Variants in PXMP2 observed in about 807,000 individuals in gnomAD.
PXMP2 encodes 22 kDa peroxisomal membrane protein.
PXMP2 carries 13 observed loss-of-function variants against 20.2 expected under a neutral mutation model. That is an observed-to-expected ratio of 0.64 (90% CI 0.42 to 1.02). The LOEUF (loss-of-function observed/expected upper bound fraction) is 1.02. Ranked by LOEUF, PXMP2 falls within the 50% of genes least tolerant of loss-of-function variation. The pLI, the probability that PXMP2 is intolerant of heterozygous loss-of-function variation, is 0.00. For missense variants in PXMP2, 284 were observed against 251.8 expected (o/e 1.13, Z -0.87); for synonymous variants, 113 against 111.2 (o/e 1.02, Z -0.10).
At chr12:132,689,282 G>C (rs2043350226) in intron 1 of PXMP2, among the ~76,000 whole-genome samples, 1 of 152,006 alleles carries the variant, frequency 6.6e-6, no homozygotes, top group African/African-American at 2.4e-5. Flanking sequence ...AAGGGAGCGA[G>C]TCTGCGGGGC....
intron 2 of PXMP2, 63 bp from the exon 3 acceptor site, chr12:132,695,821 C>A: frequency 6.6e-7 from 1 of 1,515,562 alleles, no homozygotes; most frequent in South Asian, 1.3e-5. Flanking sequence ...GGGGGTGAAG[C>A]TAGACCAGAG....
rs767670896 is a variant in PXMP2 at position 132,704,590 on chromosome 12, G to A, written c.520-29G>A. ...AACTGGCCACGGCCTCCCGCTGACC[G>A]TGGCCTGTTGGACTGTTCTTTTCGG... On this transcript the variant is annotated intron_variant, in intron 4 of 4. Transcript: ENST00000317479. The A allele has an allele frequency of 1.7e-5, 24 of 1,404,016 alleles. No homozygotes were observed. The Middle Eastern group carries it at 5.8e-4, about 34-fold the overall frequency. 87.0% of individuals were successfully genotyped at this position (1,404,016 alleles called of 1,614,324 possible).
chr12:132,687,891 G>A (rs1428544014), intron 1 of PXMP2, 99 bp downstream of exon 1: 12 of 1,047,720 alleles, frequency 1.1e-5, no homozygotes, highest in Non-Finnish European at 1.4e-5. Flanking sequence ...CAGGCTGGGG[G>A]CGCGCCCGGG....
At chr12:132,703,016 A>T (rs564793753) in intron 4 of PXMP2, among the ~76,000 whole-genome samples, 1 of 152,352 alleles carries the variant, frequency 6.6e-6, no homozygotes, top group East Asian at 1.9e-4. Flanking sequence ...AAATAAAAAA[A>T]TTTCCTTTGG....
rs2043358292 is a variant in PXMP2, at chr12:132,690,268, T to C, written c.128T>C (p.Ile43Thr). 1 of 1,613,652 alleles carries C rather than the reference T, an allele frequency of 6.2e-7. No homozygotes were observed. Among genetic ancestry groups the C allele is most frequent in the African/African-American group, 1.3e-5 (1 of 75,002 alleles). ...GATGACCTCCCTCTCCACAGTGGCATTTTGTCAGCACTTGGGAACTTCCTG... is the reference window on the plus strand; with the variant it reads ...GATGACCTCCCTCTCCACAGTGGCACTTTGTCAGCACTTGGGAACTTCCTG... The part of the protein sequence containing the change: ...PVLTKAATSG[I>T]LSALGNFLAQ... The change falls in exon 2 of 5, where the codon ATT (isoleucine) becomes ACT (threonine). Residue 43 changes from isoleucine to threonine, a missense_variant. Ile to Thr is a moderately conservative substitution (Grantham distance 89). Transcript: ENST00000317479.
At chr12:132,692,770 T>C (rs1468764295) in intron 2 of PXMP2, among the ~76,000 whole-genome samples, 1 of 109,414 alleles carries the variant, frequency 9.1e-6, no homozygotes, top group Non-Finnish European at 2.0e-5. Flanking sequence ...CTTAGCTAGT[T>C]AGAGAGCTCC....
chr12:132,692,613 G>A (rs75929595), intron 2 of PXMP2, among the ~76,000 whole-genome samples: 12 of 116,952 alleles, frequency 1.0e-4, no homozygotes, highest in Non-Finnish European at 2.1e-4. Flanking sequence ...TTAAGTGAGC[G>A]CCCTTAGCCA....
In PXMP2 at chr12:132,699,179, G is replaced by A. The variant is rs138928934; in HGVS notation, c.400-2071G>A. On this transcript the variant is annotated intron_variant, in intron 3 of 4. Transcript: ENST00000317479. ...GCCACCACTTATGAGTGAGAACATC[G>A]GCTGAGGCAGGAAGGTCACTTGAAC... Among the ~76,000 whole-genome samples the A allele has an allele frequency of 1.8e-3, 276 of 152,158 alleles. 2 individuals are homozygous for A. Among genetic ancestry groups the A allele is most frequent in the African/African-American group, 6.4e-3 (266 of 41,504 alleles).
chr12:132,694,708 C>T (rs112081229), intron 2 of PXMP2, among the ~76,000 whole-genome samples: 27,707 of 115,056 alleles, frequency 0.24, 3,981 homozygotes, highest in Non-Finnish European at 0.34. Context: ...AGTGAGCTCC[C>T]TTGCCAGTTA....
chr12:132,704,973 G>T lies in PXMP2; in HGVS notation c.*286G>T. The T allele has an allele frequency of 1.9e-6, 1 of 516,198 alleles. No homozygotes were observed. Among genetic ancestry groups the T allele is most frequent in the Non-Finnish European group, 3.4e-6 (1 of 291,462 alleles). The allele number at this position is 516,198 out of a possible 1,614,324, so 32.0% of individuals were successfully genotyped here. A position where few individuals can be genotyped will look rare whatever the true frequency, so the allele number is the denominator to read the frequency against. On this transcript the variant is annotated 3_prime_UTR_variant, in exon 5 of 5. Transcript: ENST00000317479. ...AATTAGGATCACAATAAACGATAAT[G>T]CAGGTTCTTCAATGGTGACTTTAAT...
At chr12:132,692,219 G>A (rs968329888) in intron 2 of PXMP2, among the ~76,000 whole-genome samples, 20 of 134,910 alleles carry the variant, frequency 1.5e-4, no homozygotes, top group African/African-American at 3.8e-4. Context: ...GTTAGTGAGC[G>A]CCCTTAGCCA....
At chr12:132,692,137 T>TAGTGAGCTCCCTTGCC (rs2043371955) in intron 2 of PXMP2, among the ~76,000 whole-genome samples, 2 of 66,886 alleles carry the variant, frequency 3.0e-5, no homozygotes, top group Non-Finnish European at 8.6e-5. Flanking sequence ...CTTAGCCAGT[T>TAGTGAGCTCCCTTGCC]AGTTAGTGAG....
At chr12:132,695,065 C>T (rs999791847) in intron 2 of PXMP2, among the ~76,000 whole-genome samples, 5 of 150,640 alleles carry the variant, frequency 3.3e-5, no homozygotes, top group African/African-American at 1.2e-4. Context: ...GTGCCCTTGC[C>T]AGTTAGTTAG....
chr12:132,692,130 AGCCAGTTAGTTAGTGAGCTCCCTT>A (rs2136060269), intron 2 of PXMP2, among the ~76,000 whole-genome samples: 1 of 76,304 alleles, frequency 1.3e-5, no homozygotes, highest in East Asian at 3.3e-4. Context: ...GAGCTCCCTT[AGCCAGTTAGTTAGTGAGCTCCCTT>A]GCCAGTTAGT....
At position 132,704,668 on chromosome 12, in the gene PXMP2, T is replaced by C; in HGVS notation, c.569T>C (p.Leu190Pro). ...GCAGCTCTGTTCTGGTATGCCTACC[T>C]GGCCTCCTTGGGGAAGTGACGACCG... The part of the protein sequence containing the change: ...NLAALFWYAY[L>P]ASLGK The change falls in exon 5 of 5, where the codon CTG becomes CCG. Residue 190 changes from leucine to proline, a missense_variant. Physicochemically the swap from Leu to Pro is moderately conservative, Grantham distance 98. Coordinates refer to ENST00000317479, the MANE Select transcript of PXMP2 (RefSeq NM_018663.3). 1 of 1,554,502 alleles carries C rather than the reference T, an allele frequency of 6.4e-7. No homozygotes were observed.
rs530774067 is a variant in PXMP2, at chr12:132,704,306, G to A, written c.520-313G>A. 1.2e-3 allele frequency among the ~76,000 whole-genome samples: 178 copies of A among 152,284 alleles called. 1 individual carries two copies. The highest frequency in any genetic ancestry group is 2.1e-3 in the Non-Finnish European group (143 of 68,012). On this transcript the variant is annotated intron_variant, in intron 4 of 4. Transcript: ENST00000317479. ...CACCTGCATGATGGCTGGTCCTGGA[G>A]TGAGAGAGGCTGAACCAGGAGCTAA...
chr12:132,704,444 C>T (rs2043459214), intron 4 of PXMP2, among the ~76,000 whole-genome samples, 175 bp from the exon 5 acceptor site: 1 of 152,184 alleles, frequency 6.6e-6, no homozygotes, highest in Non-Finnish European at 1.5e-5. Flanking sequence ...CTCCTCTCTG[C>T]TAGGGGCCTA....
At chr12:132,687,944 T>G in intron 1 of PXMP2, 152 bp downstream of exon 1, 4 of 743,320 alleles carry the variant, frequency 5.4e-6, no homozygotes, top group Non-Finnish European at 6.8e-6. Context: ...GGCGCTGAAC[T>G]TCCCGCGGCG....
intron 4 of PXMP2, among the ~76,000 whole-genome samples, chr12:132,701,849 G>C (rs1470508988): frequency 1.3e-5 from 2 of 152,182 alleles, no homozygotes. Flanking sequence ...CATCACTATG[G>C]AAGGCTGAGG....
Sources: gnomAD v4.1 joint callset for allele counts (sites outside exome capture counted in the v4.1 genomes callset) on GRCh38, gnomAD v4.1.1 for gene constraint, MANE v1.5 for transcripts, NCBI Gene and HGNC (gene_info 2026-07-23, HGNC 2026-07-21) for gene names.